The following SRGAP1 variants were observed in gnomAD, a reference collection of about 807,000 sequenced individuals.
SRGAP1 encodes SLIT-ROBO Rho GTPase-activating protein 1.
In SRGAP1, 43 loss-of-function variants were observed where a neutral mutation model predicts 121.9. The observed-to-expected ratio is 0.35, with a 90% CI of 0.28 to 0.46. SRGAP1 has a LOEUF of 0.46. Ranked by LOEUF, SRGAP1 falls within the 20% of genes least tolerant of loss-of-function variation. SRGAP1 has a pLI of 1.00. For synonymous variants in SRGAP1, 447 were observed against 485.4 expected (o/e 0.92, Z 1.04); for missense variants, 1,102 against 1,350.9 (o/e 0.82, Z 2.89).
At chr12:63,975,456 A>G (rs2033067376) in intron 1 of SRGAP1, among the ~76,000 whole-genome samples, 1 of 152,254 alleles carries the variant, frequency 6.6e-6, no homozygotes, top group Non-Finnish European at 1.5e-5. Context: ...TTTAGGAGTT[A>G]CATTTTAAAA....
At chr12:64,027,448 T>C (rs951893032) in intron 4 of SRGAP1, among the ~76,000 whole-genome samples, 1 of 151,858 alleles carries the variant, frequency 6.6e-6, no homozygotes, top group African/African-American at 2.4e-5. Flanking sequence ...GGTCTAAAAA[T>C]GGACTTGAGA....
intron 1 of SRGAP1, among the ~76,000 whole-genome samples, chr12:63,865,480 G>A (rs1244375970): frequency 6.6e-6 from 1 of 151,518 alleles, no homozygotes; most frequent in African/African-American, 2.4e-5. Flanking sequence ...ACCCGCCGCT[G>A]CCAAAAAAAA....
chr12:63,919,545 T>C (rs1221574181), intron 1 of SRGAP1, among the ~76,000 whole-genome samples: 2 of 144,878 alleles, frequency 1.4e-5, no homozygotes, highest in Non-Finnish European at 3.0e-5. Context: ...CACACAACTA[T>C]GTTTGAAAAT....
At chr12:64,051,506 A>G (rs1318890263) in intron 6 of SRGAP1, among the ~76,000 whole-genome samples, 1 of 152,212 alleles carries the variant, frequency 6.6e-6, no homozygotes, top group East Asian at 1.9e-4. Context: ...GGGAATAACA[A>G]TTTTTAAAAT....
chr12:63,982,429 G>C (rs1384193082), intron 1 of SRGAP1: 2 of 152,142 alleles, frequency 1.3e-5, no homozygotes, highest in African/African-American at 4.8e-5. Context: ...GCACAGAATA[G>C]TAAACACTGA....
chr12:63,983,995 C>T lies in SRGAP1; in HGVS notation c.116C>T (p.Thr39Met), dbSNP rs142813451. The T allele has an allele frequency of 2.4e-5, 37 of 1,565,186 alleles. No homozygotes were observed. The highest frequency in any genetic ancestry group is 1.7e-4 in the Middle Eastern group (1 of 5,874). The part of the protein sequence containing the change: ...VEQQKCLEQQ[T>M]EMRVQLLQDL... Reference sequence around the variant, plus strand: ...CAACAAAAATGCCTGGAGCAGCAAACGGAGATGCGAGTTCAGCTTCTCCAG... The same window carrying T: ...CAACAAAAATGCCTGGAGCAGCAAATGGAGATGCGAGTTCAGCTTCTCCAG... Residue 39 changes from threonine to methionine, a missense_variant, in exon 2 of 22, where the codon ACG becomes ATG. This residue lies in a region of SRGAP1 where 747 missense variants were observed against 929.4 expected (regional missense o/e 0.80). Coordinates refer to ENST00000355086, the MANE Select transcript of SRGAP1 (RefSeq NM_020762.4).
rs952168262 is a variant in SRGAP1, at chr12:64,108,773, A to C, written c.1814-159A>C. 13 of 431,720 alleles carry C rather than the reference A, an allele frequency of 3.0e-5. No homozygotes were observed. The East Asian group carries it at 4.4e-4, about 15-fold the overall frequency. 26.7% of individuals were successfully genotyped at this position (431,720 alleles called of 1,614,324 possible). On this transcript the variant is annotated intron_variant, in intron 15 of 21. Coordinates refer to ENST00000355086, the MANE Select transcript of SRGAP1 (RefSeq NM_020762.4). ...TGCCCTCTGGAATGGTGGTATACCC[A>C]AGCCGATCATTTATTCGCTGTTTTG...
intron 21 of SRGAP1, 121 bp from the exon 22 acceptor site, chr12:64,142,174 T>TG (rs1174384562): frequency 3.1e-6 from 3 of 966,168 alleles, no homozygotes; most frequent in Non-Finnish European, 4.6e-6. Context: ...CTGCAGACTA[T>TG]GGAGTCAAAG....
At chr12:64,126,971 C>T (rs115985186) in intron 19 of SRGAP1, among the ~76,000 whole-genome samples, 175 of 152,200 alleles carry the variant, frequency 1.1e-3, no homozygotes, top group African/African-American at 3.9e-3. Context: ...TTTACTGTAC[C>T]TTTTCTATGT....
At chr12:64,023,229 GA>G in intron 4 of SRGAP1, among the ~76,000 whole-genome samples, 1 of 119,904 alleles carries the variant, frequency 8.3e-6, no homozygotes, top group South Asian at 2.7e-4. Flanking sequence ...AAAAAAAAAG[GA>G]AGGTAACTTC....
chr12:63,932,519 T>C (rs1032450858), intron 1 of SRGAP1, among the ~76,000 whole-genome samples: 9 of 152,232 alleles, frequency 5.9e-5, no homozygotes, highest in Non-Finnish European at 1.0e-4. Flanking sequence ...ATGACCGTCA[T>C]ATAGAGAAAT....
chr12:64,079,222 T>C, intron 9 of SRGAP1, 106 bp downstream of exon 9: 3 of 1,195,418 alleles, frequency 2.5e-6, no homozygotes, highest in Admixed American at 4.4e-5. Context: ...TTTGTTAAAA[T>C]AGACTCCTGT....
At chr12:63,906,440 G>A (rs2030212666) in intron 1 of SRGAP1, among the ~76,000 whole-genome samples, 1 of 151,702 alleles carries the variant, frequency 6.6e-6, no homozygotes, top group African/African-American at 2.4e-5. Context: ...TCAGCCTCCC[G>A]AGTAGCTGGG....
intron 4 of SRGAP1, among the ~76,000 whole-genome samples, chr12:64,017,732 C>T (rs1181327854): frequency 6.6e-6 from 1 of 150,656 alleles, no homozygotes; most frequent in Non-Finnish European, 1.5e-5. Context: ...CTTTTTTTCC[C>T]ACATTTTAGT....
At chr12:63,929,179 T>G (rs2031371382) in intron 1 of SRGAP1, among the ~76,000 whole-genome samples, 1 of 152,222 alleles carries the variant, frequency 6.6e-6, no homozygotes. Flanking sequence ...TCTGGGAGAA[T>G]CAGGCTAGTG....
At chr12:63,914,192 TA>T (rs1312527891) in intron 1 of SRGAP1, among the ~76,000 whole-genome samples, 2 of 152,222 alleles carry the variant, frequency 1.3e-5, no homozygotes, top group Admixed American at 1.3e-4. Flanking sequence ...ATCATTATCA[TA>T]CTGTAATTAA....
chr12:64,072,108 C>CTCTGTGTGTGTGTGTG (rs775247857), intron 8 of SRGAP1, among the ~76,000 whole-genome samples: 36 of 80,428 alleles, frequency 4.5e-4, no homozygotes, highest in African/African-American at 1.5e-3. Flanking sequence ...CAATCTCTCT[C>CTCTGTGTGTGTGTGTG]TGTGTGTGTG....
intron 1 of SRGAP1, among the ~76,000 whole-genome samples, chr12:63,946,607 G>A (rs2032057269): frequency 6.6e-6 from 1 of 151,182 alleles, no homozygotes; most frequent in Non-Finnish European, 1.5e-5. Context: ...GCAGTGGTGG[G>A]ATCTTGGCTC....
At chr12:63,954,475 G>A (rs942772735) in intron 1 of SRGAP1, among the ~76,000 whole-genome samples, 5 of 151,982 alleles carry the variant, frequency 3.3e-5, no homozygotes, top group Middle Eastern at 3.2e-3. Flanking sequence ...TCAGGAGATC[G>A]AGACCATCCT....
Sources: allele counts gnomAD v4.1 joint callset (sites outside exome capture counted in the v4.1 genomes callset), GRCh38; gene constraint gnomAD v4.1.1; regional missense constraint gnomAD v4.1.1; transcripts MANE v1.5; gene names NCBI Gene and HGNC (gene_info 2026-07-23, HGNC 2026-07-21).